IMMP2L: variants seen among roughly 807,000 people sequenced by gnomAD.
The protein encoded by IMMP2L is mitochondrial inner membrane protease subunit 2.
Under a neutral mutation model 19.3 loss-of-function variants are expected in IMMP2L, and 18 were observed. The observed-to-expected ratio is 0.93, with a 90% CI of 0.64 to 1.38. The LOEUF is 1.38. Among genes scored for constraint, IMMP2L ranks in the 40% most tolerant of loss-of-function variants. IMMP2L has a pLI of 0.00. For missense variants in IMMP2L, 233 were observed against 218.2 expected (o/e 1.07, Z -0.43); for synonymous variants, 76 against 73.0 (o/e 1.04, Z -0.21).
At chr7:111,556,631 A>C (rs1031116319) in intron 1 of IMMP2L, among the ~76,000 whole-genome samples, 3 of 152,082 alleles carry the variant, frequency 2.0e-5, no homozygotes, top group Non-Finnish European at 2.9e-5. Context: ...GTAACTTTAC[A>C]ATCATCATCA....
intron 3 of IMMP2L, among the ~76,000 whole-genome samples, chr7:111,462,408 A>C (rs1458876500): frequency 1.3e-5 from 2 of 152,196 alleles, no homozygotes; most frequent in South Asian, 4.1e-4. Context: ...AGTAGAGATT[A>C]GGAAATTAAT....
rs1020449239 is a variant in IMMP2L at position 111,281,189 on chromosome 7, A to G, written c.239+206049T>C. Among the ~76,000 whole-genome samples the G allele has an allele frequency of 8.0e-5, 5 of 62,360 alleles. 1 individual carries two copies. Among genetic ancestry groups the G allele is most frequent in the African/African-American group, 2.7e-4 (4 of 14,952 alleles). 40.9% of individuals were successfully genotyped at this position (62,360 alleles called of 152,430 possible). On this transcript the variant is annotated intron_variant, in intron 3 of 5. Transcript: ENST00000405709. ...AAGAAAGAAAGAAAGAAAGAAAGAA[A>G]GAAAGAAAGAAAGAAAGAAAGAAAG...
intron 3 of IMMP2L, among the ~76,000 whole-genome samples, chr7:111,216,331 G>T (rs1478886901): frequency 6.6e-6 from 1 of 152,136 alleles, no homozygotes; most frequent in East Asian, 1.9e-4. Context: ...CCTAGAAAAA[G>T]AGGGAATAGT....
At chr7:110,964,979 G>GT (rs1372850408) in intron 3 of IMMP2L, among the ~76,000 whole-genome samples, 1 of 151,992 alleles carries the variant, frequency 6.6e-6, no homozygotes, top group East Asian at 1.9e-4. Context: ...AAATTCGTGA[G>GT]AGACCTTGAG....
At chr7:111,165,774 G>A (rs1805751152) in intron 3 of IMMP2L, among the ~76,000 whole-genome samples, 1 of 152,002 alleles carries the variant, frequency 6.6e-6, no homozygotes. Flanking sequence ...TCATCTCTTG[G>A]CTCCTAGGAA....
At chr7:110,730,029 T>C (rs1029195013) in intron 5 of IMMP2L, among the ~76,000 whole-genome samples, 4 of 151,888 alleles carry the variant, frequency 2.6e-5, no homozygotes, top group Non-Finnish European at 4.4e-5. Context: ...ATCAAAGAGG[T>C]TGGCTTTTAA....
intron 5 of IMMP2L, among the ~76,000 whole-genome samples, chr7:110,744,308 T>C (rs1797181588): frequency 1.3e-5 from 2 of 152,228 alleles, no homozygotes; most frequent in Admixed American, 6.5e-5. Context: ...AAAGTGGTGG[T>C]TGTAGGCGCA....
Position 110,826,562 on chromosome 7 carries a change from T to C in IMMP2L, c.408+60031A>G, listed in dbSNP as rs1237742108. 4.6e-5 allele frequency among the ~76,000 whole-genome samples: 7 copies of C among 152,148 alleles called. No individual in the cohort carries two copies. The East Asian group carries it at 9.7e-4, about 21-fold the overall frequency. The stretch of plus-strand genomic sequence containing the variant: ...GGGAGATGGATGAAGCTGGAAACCA[T>C]CATTCTCAGCAAACTATCGCAAGGA... On this transcript the variant is annotated intron_variant, in intron 5 of 5. Coordinates refer to ENST00000405709, the MANE Select transcript of IMMP2L (RefSeq NM_032549.4).
chr7:111,531,103 C>A (rs954844688), intron 1 of IMMP2L, among the ~76,000 whole-genome samples: 1 of 151,820 alleles, frequency 6.6e-6, no homozygotes. Flanking sequence ...AGGCGCCCAC[C>A]ACCACGCCCG....
chr7:110,931,111 G>A (rs1247506850), intron 4 of IMMP2L, among the ~76,000 whole-genome samples: 1 of 152,106 alleles, frequency 6.6e-6, no homozygotes, highest in African/African-American at 2.4e-5. Context: ...TGGTAACTAT[G>A]GATGGTGGAA....
intron 4 of IMMP2L, among the ~76,000 whole-genome samples, chr7:110,951,384 C>T (rs1378614287): frequency 2.0e-5 from 3 of 152,002 alleles, no homozygotes; most frequent in Non-Finnish European, 4.4e-5. Context: ...GGAGAACATT[C>T]ATATTATTTC....
intron 3 of IMMP2L, among the ~76,000 whole-genome samples, chr7:111,004,800 C>G (rs769205418): frequency 2.6e-5 from 4 of 151,922 alleles, no homozygotes; most frequent in Non-Finnish European, 5.9e-5. Flanking sequence ...GCTATGTGGA[C>G]GGTTTATTTA....
intron 5 of IMMP2L, among the ~76,000 whole-genome samples, chr7:110,729,118 C>T (rs900261227): frequency 3.3e-5 from 5 of 152,002 alleles, no homozygotes; most frequent in African/African-American, 9.7e-5. Flanking sequence ...CTCCTGACCT[C>T]GTGATCTGCC....
At chr7:110,960,734 A>G (rs1408458210) in intron 4 of IMMP2L, among the ~76,000 whole-genome samples, 1 of 151,866 alleles carries the variant, frequency 6.6e-6, no homozygotes, top group African/African-American at 2.4e-5. Flanking sequence ...TAGCTAAGTT[A>G]TTTTATACTA....
chr7:110,694,119 T>G, intron 5 of IMMP2L, among the ~76,000 whole-genome samples: 1 of 152,222 alleles, frequency 6.6e-6, no homozygotes, highest in East Asian at 1.9e-4. Flanking sequence ...TGAAATAGAC[T>G]TGTGAAACTC....
intron 3 of IMMP2L, among the ~76,000 whole-genome samples, chr7:111,146,115 G>T (rs1314324466): frequency 1.3e-5 from 2 of 151,916 alleles, no homozygotes; most frequent in Non-Finnish European, 2.9e-5. Flanking sequence ...ACAAATGAGT[G>T]CAATAGCTAA....
intron 3 of IMMP2L, among the ~76,000 whole-genome samples, chr7:111,088,346 T>G (rs779714378): frequency 3.9e-5 from 6 of 152,194 alleles, no homozygotes; most frequent in Non-Finnish European, 7.3e-5. Context: ...TAGGAAACCC[T>G]GTAGACATTT....
chr7:111,084,959 G>T (rs915582343), intron 3 of IMMP2L, among the ~76,000 whole-genome samples: 1 of 152,178 alleles, frequency 6.6e-6, no homozygotes, highest in African/African-American at 2.4e-5. Flanking sequence ...TATGGATTTT[G>T]TGGAAATATT....
chr7:111,496,119 A>G (rs1159636028), intron 2 of IMMP2L, among the ~76,000 whole-genome samples: 4 of 152,216 alleles, frequency 2.6e-5, no homozygotes, highest in Non-Finnish European at 5.9e-5. Context: ...AAGTAAATGT[A>G]CATTCTGATT....
Sources: gnomAD v4.1 joint callset for allele counts (sites outside exome capture counted in the v4.1 genomes callset) on GRCh38, gnomAD v4.1.1 for gene constraint, MANE v1.5 for transcripts, NCBI Gene and HGNC (gene_info 2026-07-23, HGNC 2026-07-21) for gene names.